The following HS3ST5 variants were observed in gnomAD, a reference collection of about 807,000 sequenced individuals.
The protein encoded by HS3ST5 is heparan sulfate-glucosamine 3-sulfotransferase 5.
Under a neutral mutation model 25.4 loss-of-function variants are expected in HS3ST5, and 10 were observed. The ratio of observed to expected loss-of-function variants is 0.39; its 90% CI spans 0.24 to 0.67. The LOEUF is 0.67. Ranked by LOEUF, HS3ST5 falls within the 30% of genes least tolerant of loss-of-function variation. The probability of loss-of-function intolerance (pLI) is 0.44; values close to 1 mark genes in which losing one functional copy is unlikely to be tolerated. For synonymous variants in HS3ST5, 170 were observed against 162.4 expected (o/e 1.05, Z -0.36); for missense variants, 324 against 420.7 (o/e 0.77, Z 2.01).
intron 1 of HS3ST5, among the ~76,000 whole-genome samples, chr6:114,305,929 A>G (rs143074272): frequency 0.017 from 2,610 of 152,200 alleles, 188 homozygotes; most frequent in Admixed American, 0.14. Flanking sequence ...CAGGATTGAC[A>G]TAATACACTG....
At chr6:114,171,443 C>T (rs1779468994) in intron 2 of HS3ST5, among the ~76,000 whole-genome samples, 1 of 152,148 alleles carries the variant, frequency 6.6e-6, no homozygotes, top group Non-Finnish European at 1.5e-5. Context: ...GATGGGGTTT[C>T]CTGGTGCAGT....
At chr6:114,155,341 A>G (rs1778650564) in intron 3 of HS3ST5, among the ~76,000 whole-genome samples, 1 of 152,230 alleles carries the variant, frequency 6.6e-6, no homozygotes, top group African/African-American at 2.4e-5. Context: ...AAGAATAGAG[A>G]GTAAAGTGAA....
At chr6:114,288,359 T>C (rs1222013175) in intron 1 of HS3ST5, among the ~76,000 whole-genome samples, 1 of 152,156 alleles carries the variant, frequency 6.6e-6, no homozygotes, top group African/African-American at 2.4e-5. Context: ...TTTTATTTTA[T>C]GAACTGCGAT....
chr6:114,063,465 C>T (rs1364860551), intron 3 of HS3ST5, among the ~76,000 whole-genome samples: 2 of 147,564 alleles, frequency 1.4e-5, no homozygotes, highest in African/African-American at 2.5e-5. Context: ...CAGTGAGCTG[C>T]GATCATGCCA....
chr6:114,121,769 C>A (rs1231287022), intron 3 of HS3ST5, among the ~76,000 whole-genome samples: 2 of 152,112 alleles, frequency 1.3e-5, no homozygotes, highest in Non-Finnish European at 2.9e-5. Flanking sequence ...TCACATCATT[C>A]CTTAGCATAT....
Position 114,165,611 on chromosome 6 carries a change from T to C in HS3ST5, c.-33+2740A>G, listed in dbSNP as rs140705794. Among the ~76,000 whole-genome samples, 836 of 152,252 alleles carry C rather than the reference T, an allele frequency of 5.5e-3. 8 individuals are homozygous for C. The highest frequency in any genetic ancestry group is 0.019 in the African/African-American group (806 of 41,542). The stretch of plus-strand genomic sequence containing the variant: ...CATGTGAGATGAGAAAATTGAAGCA[T>C]GAAGAAATTCTATAATATGCCTGAG... On this transcript the variant is annotated intron_variant, in intron 3 of 4. Coordinates refer to ENST00000312719, the MANE Select transcript of HS3ST5 (RefSeq NM_153612.4).
intron 1 of HS3ST5, among the ~76,000 whole-genome samples, chr6:114,312,525 G>A (rs1200047355): frequency 2.0e-5 from 3 of 151,964 alleles, no homozygotes; most frequent in African/African-American, 7.2e-5. Context: ...AAATAAAACT[G>A]AGAAATTGAA....
At chr6:114,285,934 C>T (rs1219620270) in intron 1 of HS3ST5, among the ~76,000 whole-genome samples, 1 of 151,632 alleles carries the variant, frequency 6.6e-6, no homozygotes, top group East Asian at 1.9e-4. Flanking sequence ...ACTAAATGAA[C>T]AAAATAGGTT....
At chr6:114,143,936 A>T (rs1054169735) in intron 3 of HS3ST5, 2 of 152,436 alleles carry the variant, frequency 1.3e-5, no homozygotes, top group African/African-American at 4.8e-5. Flanking sequence ...TGGACACTCC[A>T]GAGGCCAATC....
chr6:114,291,288 A>G (rs1184284304), intron 1 of HS3ST5, among the ~76,000 whole-genome samples: 1 of 152,188 alleles, frequency 6.6e-6, no homozygotes, highest in Non-Finnish European at 1.5e-5. Flanking sequence ...GAAGCCATCC[A>G]ATCTCTGAAG....
rs1365527446 is a variant in HS3ST5, at chr6:114,087,467, G to A, written c.-32-24590C>T. On this transcript the variant is annotated intron_variant, in intron 3 of 4. Coordinates refer to ENST00000312719, the MANE Select transcript of HS3ST5 (RefSeq NM_153612.4). Reference sequence around the variant, plus strand: ...TTGCCCTCTGTTGTGTAATTGCCATGACATTAAGTTACTGACATTAAGAAC... The same window carrying A: ...TTGCCCTCTGTTGTGTAATTGCCATAACATTAAGTTACTGACATTAAGAAC... Among the ~76,000 whole-genome samples, 4 of 152,160 alleles carry A rather than the reference G, an allele frequency of 2.6e-5. No individual in the cohort carries two copies. The East Asian group carries it at 7.7e-4, about 29-fold the overall frequency.
At chr6:114,121,426 T>A (rs1232713649) in intron 3 of HS3ST5, among the ~76,000 whole-genome samples, 1 of 152,190 alleles carries the variant, frequency 6.6e-6, no homozygotes, top group Non-Finnish European at 1.5e-5. Flanking sequence ...GCCTGTTAAT[T>A]CTTTTACATA....
chr6:114,170,496 T>C (rs559942705), intron 2 of HS3ST5, among the ~76,000 whole-genome samples: 18 of 152,306 alleles, frequency 1.2e-4, no homozygotes, highest in African/African-American at 2.4e-4. Context: ...TTTCAGTTAC[T>C]AGGGCTTTTC....
intron 1 of HS3ST5, among the ~76,000 whole-genome samples, chr6:114,321,412 C>T (rs866748617): frequency 3.3e-5 from 5 of 152,048 alleles, no homozygotes; most frequent in Admixed American, 1.3e-4. Context: ...ACAGCTCTGG[C>T]TCTGCCTCTC....
At chr6:114,336,387 T>G (rs767002485) in intron 1 of HS3ST5, among the ~76,000 whole-genome samples, 4 of 152,184 alleles carry the variant, frequency 2.6e-5, no homozygotes, top group Non-Finnish European at 4.4e-5. Context: ...GGTGAGCAGA[T>G]CACTTGAGGC....
At chr6:114,201,651 G>A (rs1781020149) in intron 2 of HS3ST5, among the ~76,000 whole-genome samples, 1 of 152,078 alleles carries the variant, frequency 6.6e-6, no homozygotes, top group African/African-American at 2.4e-5. Context: ...TTCTCAATGA[G>A]GCTGTATTGG....
At chr6:114,180,535 A>G (rs1779925976) in intron 2 of HS3ST5, among the ~76,000 whole-genome samples, 1 of 152,104 alleles carries the variant, frequency 6.6e-6, no homozygotes, top group African/African-American at 2.4e-5. Context: ...CCACAGACTG[A>G]AGGCTGCACT....
At chr6:114,184,632 C>G (rs1417912867) in intron 2 of HS3ST5, among the ~76,000 whole-genome samples, 1 of 152,116 alleles carries the variant, frequency 6.6e-6, no homozygotes, top group Non-Finnish European at 1.5e-5. Flanking sequence ...GGGCTGCTTC[C>G]CTGGTTTCAA....
At chr6:114,294,039 T>A (rs962411488) in intron 1 of HS3ST5, among the ~76,000 whole-genome samples, 1 of 152,150 alleles carries the variant, frequency 6.6e-6, no homozygotes, top group South Asian at 2.1e-4. Flanking sequence ...AAGAGCTGGA[T>A]GAGAATATCC....
Sources: allele counts gnomAD v4.1 joint callset (sites outside exome capture counted in the v4.1 genomes callset), GRCh38; gene constraint gnomAD v4.1.1; transcripts MANE v1.5; gene names NCBI Gene and HGNC (gene_info 2026-07-23, HGNC 2026-07-21).